BRCA1: variants seen among roughly 807,000 people sequenced by gnomAD.
BRCA1 encodes the protein breast cancer type 1 susceptibility protein.
A neutral mutation model predicts 173.7 loss-of-function variants in BRCA1; 140 were observed. The observed-to-expected ratio is 0.81, with a 90% CI of 0.70 to 0.93. The LOEUF is 0.93. Among genes scored for constraint, BRCA1 ranks in the 40% least tolerant of loss-of-function variants. The pLI is 0.00. For synonymous variants in BRCA1, 662 were observed against 756.0 expected, an observed-to-expected ratio of 0.88 and a Z score of 2.04; for missense variants, 1,983 against 2,172.5, an observed-to-expected ratio of 0.91 and a Z score of 1.73.
intron 18 of BRCA1, among the ~76,000 whole-genome samples, 159 bp from the exon 19 acceptor site, chr17:43,057,294 G>C (rs558363990): frequency 3.9e-5 from 6 of 152,158 alleles, no homozygotes; most frequent in Non-Finnish European, 7.3e-5. Flanking sequence ...CAGATCACTT[G>C]AGGTCAGGAG....
intron 7 of BRCA1, 135 bp from the exon 8 acceptor site, chr17:43,097,424 A>G (rs2054188079): frequency 1.2e-6 from 1 of 800,360 alleles, no homozygotes; most frequent in Admixed American, 2.0e-5. Flanking sequence ...GTACAATGCT[A>G]GTTAAGCTAG....
intron 18 of BRCA1, among the ~76,000 whole-genome samples, chr17:43,060,921 T>C (rs1412764175): frequency 6.6e-6 from 1 of 151,578 alleles, no homozygotes; most frequent in Non-Finnish European, 1.5e-5. Context: ...AGTTCAGGAG[T>C]TTGAGACCAG....
chr17:43,104,334 G>A (rs2054647254), intron 5 of BRCA1, 73 bp from the exon 6 acceptor site: 1 of 1,493,602 alleles, frequency 6.7e-7, no homozygotes, highest in Non-Finnish European at 9.2e-7. Flanking sequence ...AAGAAACCAA[G>A]AGAAACCCTA....
chr17:43,110,407 G>A (rs189568702), intron 3 of BRCA1: 232 of 246,222 alleles, frequency 9.4e-4, no homozygotes, highest in African/African-American at 4.7e-3. Flanking sequence ...GAAACATGGC[G>A]AAACCCCGTC....
chr17:43,140,814 A>G (rs933464628), intron 1 of BRCA1, among the ~76,000 whole-genome samples: 27 of 152,046 alleles, frequency 1.8e-4, no homozygotes, highest in African/African-American at 5.1e-4. Context: ...GGCATGTTCC[A>G]TCTTTTTCAT....
rs560462237 is a variant in BRCA1, at chr17:43,069,522, C to T, written c.4986+1406G>A. Among the ~76,000 whole-genome samples, 8 of 152,238 alleles carry T rather than the reference C, an allele frequency of 5.3e-5. 1 individual carries two copies. The South Asian group carries it at 1.0e-3, about 20-fold the overall frequency. ...ACTTGCAAAACAAAGGGATAAAGAACGCTAATTTTCAATGAATAAATAAGG... is the reference window on the plus strand; with the variant it reads ...ACTTGCAAAACAAAGGGATAAAGAATGCTAATTTTCAATGAATAAATAAGG... On this transcript the variant is annotated intron_variant, in intron 15 of 22. Transcript: ENST00000357654.
chr17:43,156,216 G>A (rs759858935), intron 1 of BRCA1, among the ~76,000 whole-genome samples: 3 of 151,526 alleles, frequency 2.0e-5, no homozygotes, highest in African/African-American at 2.4e-5. Context: ...CAGCCTGGGC[G>A]ACAGAGTGAG....
At position 43,044,783 on chromosome 17, in the gene BRCA1, A is replaced by T. The variant is rs556653436; in HGVS notation, c.*895T>A. 2.1e-6 allele frequency: 1 copy of T among 473,134 alleles called. No individual in the cohort carries two copies. Among genetic ancestry groups the T allele is most frequent in the East Asian group, 4.7e-5 (1 of 21,398 alleles). The allele number at this position is 473,134 out of a possible 1,614,324, so 29.3% of individuals were successfully genotyped here. ...GCAAATATATCTCAGACTTTTAGAA[A>T]TCTCTTCTAGTTTCATTTTCCTTTT... On this transcript the variant is annotated 3_prime_UTR_variant, in exon 23 of 23. Coordinates refer to ENST00000357654, the MANE Select transcript of BRCA1 (RefSeq NM_007294.4).
chr17:43,069,393 G>T (rs138148964), intron 15 of BRCA1, among the ~76,000 whole-genome samples: 1 of 152,318 alleles, frequency 6.6e-6, no homozygotes, highest in East Asian at 1.9e-4. Flanking sequence ...CTCTTCGCTT[G>T]TTTAAAGACA....
At chr17:43,051,265 T>C in intron 19 of BRCA1, 148 bp from the exon 20 acceptor site, 1 of 746,074 alleles carries the variant, frequency 1.3e-6, no homozygotes, top group Admixed American at 2.1e-5. Context: ...TGATTTCTGC[T>C]GCTACTTCCC....
At chr17:43,112,960 C>T (rs1028783051) in intron 3 of BRCA1, among the ~76,000 whole-genome samples, 7 of 152,054 alleles carry the variant, frequency 4.6e-5, no homozygotes, top group Non-Finnish European at 8.8e-5. Flanking sequence ...TGCGCCTCCA[C>T]GCCCGTCTAA....
At chr17:43,062,983 C>G (rs1276125568) in intron 18 of BRCA1, among the ~76,000 whole-genome samples, 1 of 151,926 alleles carries the variant, frequency 6.6e-6, no homozygotes, top group Non-Finnish European at 1.5e-5. Context: ...CCCCGCCTCC[C>G]AGGTTCAAGT....
At chr17:43,100,636 AT>A (rs2054385902) in intron 6 of BRCA1, among the ~76,000 whole-genome samples, 1 of 75,342 alleles carries the variant, frequency 1.3e-5, no homozygotes, top group African/African-American at 5.0e-5. Flanking sequence ...TATATGTTAT[AT>A]ATATATAACA....
chr17:43,132,003 T>C (rs752988517), intron 1 of BRCA1, among the ~76,000 whole-genome samples: 2 of 152,148 alleles, frequency 1.3e-5, no homozygotes, highest in Non-Finnish European at 2.9e-5. Flanking sequence ...AGGCTGGTTT[T>C]GAACTCCTGG....
rs537703484 is a variant in BRCA1 at position 43,044,427 on chromosome 17, A to T, written c.*1251T>A. The T allele has an allele frequency of 2.0e-6, 1 of 507,098 alleles. No homozygotes were observed. The highest frequency in any genetic ancestry group is 5.6e-4 in the Middle Eastern group (1 of 1,770). 31.4% of individuals were successfully genotyped at this position (507,098 alleles called of 1,614,324 possible). On this transcript the variant is annotated 3_prime_UTR_variant, in exon 23 of 23. Transcript: ENST00000357654. ...GGAAGACCTAGTCCTTCCAACAGCT[A>T]TAAACAGTCCTGGATAATGGGTTTA...
intron 12 of BRCA1, chr17:43,079,609 C>G: frequency 1.2e-6 from 1 of 837,724 alleles, no homozygotes; most frequent in Admixed American, 1.7e-5. Context: ...GCCAAGACAG[C>G]TTCCTGAAAC....
At chr17:43,054,524 C>T (rs573166177) in intron 19 of BRCA1, among the ~76,000 whole-genome samples, 4 of 152,202 alleles carry the variant, frequency 2.6e-5, no homozygotes, top group East Asian at 1.9e-4. Flanking sequence ...ACTGCAGCCT[C>T]GACCTCCCAG....
intron 16 of BRCA1, chr17:43,067,255 G>GTT (rs34267863): frequency 1.1e-3 from 187 of 172,716 alleles, no homozygotes; most frequent in South Asian, 1.9e-3. Context: ...ATTTTTTCAC[G>GTT]TTTTTTTTTT....
At chr17:43,133,215 TCTC>T (rs2055985910) in intron 1 of BRCA1, 1 of 152,014 alleles carries the variant, frequency 6.6e-6, no homozygotes, top group Non-Finnish European at 1.5e-5. Flanking sequence ...TTATCCCTCA[TCTC>T]CTAGGTTAGT....
Sources: allele counts gnomAD v4.1 joint callset (sites outside exome capture counted in the v4.1 genomes callset), GRCh38; gene constraint gnomAD v4.1.1; transcripts MANE v1.5; gene names NCBI Gene and HGNC (gene_info 2026-07-23, HGNC 2026-07-21).